CEP128: variants seen among roughly 807,000 people sequenced by gnomAD.
CEP128 encodes the protein centrosomal protein 128.
A neutral mutation model predicts 156.7 loss-of-function variants in CEP128; 132 were observed. The ratio of observed to expected loss-of-function variants is 0.84; its 90% CI spans 0.73 to 0.97. The LOEUF is 0.97. Ranked by LOEUF, CEP128 falls within the 50% of genes least tolerant of loss-of-function variation. CEP128 has a pLI of 0.00. For missense variants in CEP128, 1,252 were observed against 1,281.9 expected (o/e 0.98, Z 0.36); for synonymous variants, 469 against 448.9 (o/e 1.04, Z -0.57).
At chr14:80,623,073 T>G (rs1442458849) in intron 19 of CEP128, among the ~76,000 whole-genome samples, 1 of 150,590 alleles carries the variant, frequency 6.6e-6, no homozygotes, top group African/African-American at 2.5e-5. Context: ...TGTCCAACAA[T>G]GACAGACTGG....
intron 19 of CEP128, among the ~76,000 whole-genome samples, chr14:80,583,116 T>A (rs933878520): frequency 6.6e-6 from 1 of 152,150 alleles, no homozygotes; most frequent in Non-Finnish European, 1.5e-5. Flanking sequence ...TTCATAAAAT[T>A]ATAGGAACTT....
intron 20 of CEP128, among the ~76,000 whole-genome samples, chr14:80,565,279 C>T (rs1292742854): frequency 6.6e-6 from 1 of 152,126 alleles, no homozygotes; most frequent in African/African-American, 2.4e-5. Context: ...CACCCAAAAA[C>T]AGAAGACGTT....
At chr14:80,930,191 G>A (rs1241670998) in intron 2 of CEP128, among the ~76,000 whole-genome samples, 1 of 152,178 alleles carries the variant, frequency 6.6e-6, no homozygotes, top group Non-Finnish European at 1.5e-5. Flanking sequence ...ATTAACATTA[G>A]CAGAGAGGTT....
chr14:80,809,473 G>A (rs950756872), intron 13 of CEP128, among the ~76,000 whole-genome samples: 7 of 152,116 alleles, frequency 4.6e-5, no homozygotes, highest in African/African-American at 9.7e-5. Flanking sequence ...AACTTCTCAA[G>A]TCTTGAGAAA....
intron 21 of CEP128, among the ~76,000 whole-genome samples, chr14:80,550,747 G>T: frequency 6.7e-6 from 1 of 148,766 alleles, no homozygotes; most frequent in African/African-American, 2.5e-5. Context: ...TTATAGACTG[G>T]ATTAGCATTA....
chr14:80,511,292 TG>T (rs973620458), intron 23 of CEP128, among the ~76,000 whole-genome samples: 8 of 152,112 alleles, frequency 5.3e-5, no homozygotes, highest in Non-Finnish European at 1.0e-4. Context: ...TACTTGTTAT[TG>T]GCCTATTCAG....
chr14:80,733,339 C>CTTGTGTGTGT, intron 19 of CEP128, among the ~76,000 whole-genome samples: 1 of 140,244 alleles, frequency 7.1e-6, no homozygotes. Flanking sequence ...CCACATGGGT[C>CTTGTGTGTGT]GTGTGTGTGT....
chr14:80,935,059 A>C (rs1010505783), intron 2 of CEP128, among the ~76,000 whole-genome samples: 4 of 152,344 alleles, frequency 2.6e-5, no homozygotes, highest in South Asian at 4.1e-4. Flanking sequence ...TAAAGGAGCA[A>C]AGTAACTTAA....
At chr14:80,512,712 T>C (rs1430169802) in intron 23 of CEP128, among the ~76,000 whole-genome samples, 1 of 152,092 alleles carries the variant, frequency 6.6e-6, no homozygotes, top group Non-Finnish European at 1.5e-5. Context: ...TTTTAATTTC[T>C]TGCTTTTTAT....
In CEP128 at chr14:80,774,389, G is replaced by A. The variant is rs143747078; in HGVS notation, c.2376+3493C>T. Reference sequence around the variant, plus strand: ...CACCTTGTTAAGCAAATTAGAAAGCGTCCACCCCTTTTGATTGTAGCAGAG... The same window carrying A: ...CACCTTGTTAAGCAAATTAGAAAGCATCCACCCCTTTTGATTGTAGCAGAG... On this transcript the variant is annotated intron_variant, in intron 16 of 24. Coordinates refer to ENST00000555265, the MANE Select transcript of CEP128 (RefSeq NM_152446.5). 1.4e-4 allele frequency among the ~76,000 whole-genome samples: 21 copies of A among 152,234 alleles called. No individual in the cohort carries two copies. The East Asian group carries it at 1.7e-3, about 13-fold the overall frequency.
intron 19 of CEP128, among the ~76,000 whole-genome samples, chr14:80,724,524 T>A (rs992683954): frequency 6.6e-6 from 1 of 152,114 alleles, no homozygotes; most frequent in African/African-American, 2.4e-5. Context: ...AAATTTTATT[T>A]GTGAAATTCA....
At chr14:80,904,301 AAGAT>A (rs1883754646) in intron 6 of CEP128, among the ~76,000 whole-genome samples, 1 of 152,068 alleles carries the variant, frequency 6.6e-6, no homozygotes, top group Non-Finnish European at 1.5e-5. Context: ...AACTCATAGA[AAGAT>A]AGAGTAGAAT....
chr14:80,956,022 C>T (rs1886658289), intron 2 of CEP128: 3 of 761,938 alleles, frequency 3.9e-6, no homozygotes, highest in South Asian at 3.2e-5. Context: ...AACTTAATCG[C>T]CCACACTTGG....
intron 10 of CEP128, 112 bp downstream of exon 10, chr14:80,840,570 T>A: frequency 1.5e-6 from 1 of 645,440 alleles, no homozygotes; most frequent in Non-Finnish European, 2.7e-6. Context: ...CATAGAAAGA[T>A]AAAGAACTCA....
intron 16 of CEP128, among the ~76,000 whole-genome samples, chr14:80,764,062 T>A (rs920638625): frequency 2.6e-5 from 4 of 152,208 alleles, no homozygotes; most frequent in Non-Finnish European, 4.4e-5. Flanking sequence ...CTCTCTTTCA[T>A]CCACTACTAC....
chr14:80,610,362 T>G (rs930627410), intron 19 of CEP128, among the ~76,000 whole-genome samples: 3 of 152,180 alleles, frequency 2.0e-5, no homozygotes, highest in African/African-American at 7.2e-5. Context: ...TTTTGATAAC[T>G]TAGAAGAGGT....
intron 21 of CEP128, among the ~76,000 whole-genome samples, chr14:80,558,358 G>A (rs1337865242): frequency 2.6e-5 from 4 of 151,680 alleles, no homozygotes; most frequent in Non-Finnish European, 4.4e-5. Context: ...GCATGATCTC[G>A]GCTCACGGCA....
At chr14:80,862,217 C>T (rs1191218484) in intron 9 of CEP128, among the ~76,000 whole-genome samples, 3 of 152,118 alleles carry the variant, frequency 2.0e-5, no homozygotes, top group Non-Finnish European at 2.9e-5. Context: ...TACTTGTGGG[C>T]TACAACTACT....
intron 19 of CEP128, among the ~76,000 whole-genome samples, chr14:80,584,971 T>C (rs886075606): frequency 4.6e-5 from 7 of 152,254 alleles, no homozygotes; most frequent in Non-Finnish European, 1.0e-4. Context: ...TCCATACAAA[T>C]AGCAACTCAA....
Sources: gnomAD v4.1 joint callset for allele counts (sites outside exome capture counted in the v4.1 genomes callset) on GRCh38, gnomAD v4.1.1 for gene constraint, MANE v1.5 for transcripts, NCBI Gene and HGNC (gene_info 2026-07-23, HGNC 2026-07-21) for gene names.